The following TULP4 variants were observed in gnomAD, a reference collection of about 807,000 sequenced individuals.
TULP4 encodes the protein TUB like protein 4.
Under a neutral mutation model 129.0 loss-of-function variants are expected in TULP4, and 16 were observed. The observed-to-expected ratio is 0.12, with a 90% CI of 0.08 to 0.19. The LOEUF (loss-of-function observed/expected upper bound fraction) is 0.19. Ranked by LOEUF, TULP4 falls within the 10% of genes least tolerant of loss-of-function variation. The pLI is 1.00. For missense variants in TULP4, 1,842 were observed against 2,059.1 expected (o/e 0.89, Z 2.04); for synonymous variants, 998 against 854.0 (o/e 1.17, Z -2.94).
upstream of TULP4, among the ~76,000 whole-genome samples, chr6:158,281,569 G>C (rs959775205): frequency 3.3e-5 from 5 of 152,160 alleles, no homozygotes; most frequent in Non-Finnish European, 7.3e-5. Context: ...AAGCAGGGAG[G>C]TGGGTAAATG....
At chr6:158,311,851 C>G (rs915906521), upstream of TULP4, among the ~76,000 whole-genome samples, 2 of 152,120 alleles carry the variant, frequency 1.3e-5, no homozygotes, top group African/African-American at 2.4e-5. Flanking sequence ...GCAGAACTCT[C>G]ATTTGTTGTG....
intron 1 of TULP4, among the ~76,000 whole-genome samples, chr6:158,295,565 C>T (rs117622718): frequency 6.6e-6 from 1 of 151,066 alleles, no homozygotes; most frequent in Non-Finnish European, 1.5e-5. Context: ...ATAAAGTGAA[C>T]ACCCCGTAAC....
At chr6:158,470,983 A>G (rs970375682) in intron 6 of TULP4, among the ~76,000 whole-genome samples, 1 of 152,226 alleles carries the variant, frequency 6.6e-6, no homozygotes. Context: ...GACTGTGTTC[A>G]TATACAATTA....
At chr6:158,285,139 T>G (rs1378896612) in intron 1 of TULP4, among the ~76,000 whole-genome samples, 1 of 152,206 alleles carries the variant, frequency 6.6e-6, no homozygotes. Flanking sequence ...GAATTTCCCC[T>G]TCCTAACAGA....
intron 1 of TULP4, among the ~76,000 whole-genome samples, chr6:158,354,565 G>A (rs1382751349): frequency 6.6e-6 from 1 of 152,202 alleles, no homozygotes; most frequent in African/African-American, 2.4e-5. Flanking sequence ...AATGTATTGA[G>A]ATGGCTTGCT....
At chr6:158,250,045 C>T (rs886955059) in intron 1 of TULP4, among the ~76,000 whole-genome samples, 1 of 151,972 alleles carries the variant, frequency 6.6e-6, no homozygotes, top group Middle Eastern at 3.2e-3. Context: ...AATCATAGCT[C>T]GCTGCACCTT....
chr6:158,425,814 G>A (rs1409395029), intron 2 of TULP4, among the ~76,000 whole-genome samples: 1 of 152,006 alleles, frequency 6.6e-6, no homozygotes, highest in Admixed American at 6.6e-5. Context: ...CTCTGGTCTC[G>A]AACTCTTGAG....
upstream of TULP4, among the ~76,000 whole-genome samples, chr6:158,279,880 A>T (rs1169911383): frequency 6.6e-6 from 1 of 152,212 alleles, no homozygotes; most frequent in Non-Finnish European, 1.5e-5. Context: ...CTCTGCTTAG[A>T]TGGTTTTTCC....
At chr6:158,401,080 G>GTTGTTGTTGTTT (rs1554287890) in intron 1 of TULP4, among the ~76,000 whole-genome samples, 1 of 143,204 alleles carries the variant, frequency 7.0e-6, no homozygotes, top group Non-Finnish European at 1.5e-5. Flanking sequence ...TGTTGTTGTT[G>GTTGTTGTTGTTT]TTGTTTTGTT....
upstream of TULP4, among the ~76,000 whole-genome samples, chr6:158,278,943 T>G (rs1225812916): frequency 3.1e-4 from 3 of 9,642 alleles, no homozygotes; most frequent in East Asian, 2.1e-3. Flanking sequence ...TTTTTTTTGT[T>G]TTTTTTTTTT....
chr6:158,314,930 A>G (rs1485878642), intron 1 of TULP4, among the ~76,000 whole-genome samples: 1 of 152,230 alleles, frequency 6.6e-6, no homozygotes, highest in Non-Finnish European at 1.5e-5. Flanking sequence ...ACCAACATTT[A>G]TTGAGCAATA....
chr6:158,501,548 C>A, intron 12 of TULP4, 130 bp from the exon 13 acceptor site: 1 of 926,228 alleles, frequency 1.1e-6, no homozygotes, highest in Non-Finnish European at 1.6e-6. Flanking sequence ...CAAGCAGACA[C>A]GTCTCTGTCT....
chr6:158,294,965 C>T (rs1182225960), intron 1 of TULP4, among the ~76,000 whole-genome samples: 1 of 152,174 alleles, frequency 6.6e-6, no homozygotes, highest in African/African-American at 2.4e-5. Context: ...CCTGTCTTGG[C>T]CTCCCAAAGT....
At position 158,300,259 on chromosome 6, in the gene TULP4, A is replaced by G. The variant is rs185410224; in HGVS notation, n.117-11792A>G. On this transcript the variant is annotated intron_variant and non_coding_transcript_variant, in intron 1 of 1. Coordinates refer to the TULP4 transcript ENST00000432358. ...CTCTTCCCCACGTTGTAATTGTTCC[A>G]GCTTCCCAGGTATTGGTCTGGGAGT... Among the ~76,000 whole-genome samples the G allele has an allele frequency of 2.3e-3, 350 of 152,340 alleles. 1 individual carries two copies. Among genetic ancestry groups the G allele is most frequent in the Non-Finnish European group, 3.9e-3 (264 of 68,020 alleles).
At chr6:158,368,066 C>CAAAAAAAAAAAAAAAAAAAAAAAAAA (rs3085241) in intron 1 of TULP4, among the ~76,000 whole-genome samples, 3 of 65,018 alleles carry the variant, frequency 4.6e-5, no homozygotes, top group Non-Finnish European at 5.8e-5. Flanking sequence ...ACCCTGTCTC[C>CAAAAAAAAAAAAAAAAAAAAAAAAAA]AAAAAAAAAA....
At chr6:158,436,871 G>A (rs1378230957) in intron 3 of TULP4, among the ~76,000 whole-genome samples, 1 of 152,168 alleles carries the variant, frequency 6.6e-6, no homozygotes, top group Non-Finnish European at 1.5e-5. Flanking sequence ...ATTTAGTTTT[G>A]TGTTTTTTAA....
chr6:158,501,845 A>G lies in TULP4; in HGVS notation c.2182A>G (p.Thr728Ala). Residue 728 changes from threonine to alanine, a missense_variant, in exon 13 of 14, where the codon ACG becomes GCG. Thr to Ala is a moderately conservative substitution (Grantham distance 58, BLOSUM62 0). Coordinates refer to ENST00000367097, the MANE Select transcript of TULP4 (RefSeq NM_020245.5). ...NVQLDVLTNQ[T>A]TAVGTAEHAG... ...GCAGCTAGATGTCCTGACCAACCAG[A>G]CGACAGCTGTAGGGACAGCAGAACA... The G allele has an allele frequency of 6.2e-7, 1 of 1,614,104 alleles. No individual in the cohort carries two copies. Among genetic ancestry groups the G allele is most frequent in the Non-Finnish European group, 8.5e-7 (1 of 1,180,004 alleles).
At chr6:158,298,301 C>T (rs1779073000) in intron 1 of TULP4, among the ~76,000 whole-genome samples, 2 of 152,134 alleles carry the variant, frequency 1.3e-5, no homozygotes, top group African/African-American at 2.4e-5. Flanking sequence ...ACATCCTCAG[C>T]TTACAAAGAT....
intron 1 of TULP4, among the ~76,000 whole-genome samples, chr6:158,363,512 C>T (rs1277208782): frequency 6.6e-6 from 1 of 152,146 alleles, no homozygotes; most frequent in Non-Finnish European, 1.5e-5. Context: ...GAGGCGGAGT[C>T]TCACTGTGTC....
Sources: allele counts gnomAD v4.1 joint callset (sites outside exome capture counted in the v4.1 genomes callset), GRCh38; gene constraint gnomAD v4.1.1; transcripts MANE v1.5; gene names NCBI Gene and HGNC (gene_info 2026-07-23, HGNC 2026-07-21).